ENTREP2: variants seen among roughly 807,000 people sequenced by gnomAD.
The protein encoded by ENTREP2 is endosomal transmembrane epsin interactor 2, also known as protein ENTREP2.
At chr15:29,372,826 G>A in the ENTREP2 span, among the ~76,000 whole-genome samples, 1 of 152,120 alleles carries the variant, frequency 6.6e-6, no homozygotes, top group Non-Finnish European at 1.5e-5. Flanking sequence ...CCCATATCTA[G>A]CAGTGAGGTG....
At chr15:29,531,023 A>T in the ENTREP2 span, among the ~76,000 whole-genome samples, 5 of 152,174 alleles carry the variant, frequency 3.3e-5, no homozygotes, top group Non-Finnish European at 7.4e-5. Context: ...GAGAAGAGGG[A>T]GGCACCTGCC....
chr15:29,646,845 T>C, the ENTREP2 span, among the ~76,000 whole-genome samples: 4 of 152,296 alleles, frequency 2.6e-5, no homozygotes, highest in African/African-American at 9.6e-5. Context: ...AGGGCCACTC[T>C]GTCTATCCTG....
At chr15:29,634,670 T>C in the ENTREP2 span, among the ~76,000 whole-genome samples, 1 of 152,070 alleles carries the variant, frequency 6.6e-6, no homozygotes, top group Non-Finnish European at 1.5e-5. Flanking sequence ...CTACCCCCCT[T>C]CCCAGCCCCG....
the ENTREP2 span, among the ~76,000 whole-genome samples, chr15:29,134,883 G>A: frequency 6.6e-6 from 1 of 152,258 alleles, no homozygotes; most frequent in South Asian, 2.1e-4. Flanking sequence ...TCTGAACCCT[G>A]TGCTAGGGTG....
the ENTREP2 span, among the ~76,000 whole-genome samples, chr15:29,617,130 G>A: frequency 0.02 from 3,053 of 152,232 alleles, 86 homozygotes; most frequent in African/African-American, 0.069. Flanking sequence ...TGATTATGGA[G>A]GCTGGGAAGT....
chr15:29,282,771 C>T, the ENTREP2 span, among the ~76,000 whole-genome samples: 1 of 152,202 alleles, frequency 6.6e-6, no homozygotes, highest in African/African-American at 2.4e-5. Flanking sequence ...TTCAGGCATA[C>T]CGGTCTGTTC....
At chr15:29,209,639 G>T in the ENTREP2 span, among the ~76,000 whole-genome samples, 38 of 152,190 alleles carry the variant, frequency 2.5e-4, no homozygotes, top group African/African-American at 6.3e-4. Flanking sequence ...ACCTTCCAGG[G>T]ATGGTGGAAG....
At chr15:29,392,050 G>C in the ENTREP2 span, among the ~76,000 whole-genome samples, 3 of 152,074 alleles carry the variant, frequency 2.0e-5, no homozygotes, top group Admixed American at 6.6e-5. Context: ...GGATGGTCTC[G>C]ATCTCCTGAC....
chr15:29,356,773 G>C, the ENTREP2 span, among the ~76,000 whole-genome samples: 1 of 151,992 alleles, frequency 6.6e-6, no homozygotes, highest in South Asian at 2.1e-4. Context: ...CATGGTCAAG[G>C]CCATTTAGGA....
chr15:29,348,286 A>C, the ENTREP2 span, among the ~76,000 whole-genome samples: 5 of 152,046 alleles, frequency 3.3e-5, no homozygotes, highest in African/African-American at 1.2e-4. Flanking sequence ...TACATCATAT[A>C]GGGTATTAGA....
the ENTREP2 span, among the ~76,000 whole-genome samples, chr15:29,174,605 C>A: frequency 1.3e-5 from 2 of 151,946 alleles, no homozygotes; most frequent in African/African-American, 2.4e-5. Context: ...AGGAGAATGG[C>A]CTGAACCTGG....
chr15:29,489,863 A>C, the ENTREP2 span, among the ~76,000 whole-genome samples: 1 of 152,202 alleles, frequency 6.6e-6, no homozygotes, highest in Non-Finnish European at 1.5e-5. Flanking sequence ...CTGTGCTGAC[A>C]CAGGTCTCGA....
chr15:29,455,343 C>T, the ENTREP2 span, among the ~76,000 whole-genome samples: 1 of 152,178 alleles, frequency 6.6e-6, no homozygotes, highest in Non-Finnish European at 1.5e-5. Flanking sequence ...CCTGAATTTC[C>T]AACCCAAATC....
At chr15:29,234,929 G>C in the ENTREP2 span, 5 of 1,542,332 alleles carry the variant, frequency 3.2e-6, 1 homozygote, top group South Asian at 4.5e-5. Context: ...GGTGTCATCT[G>C]AGCCAGATAA....
the ENTREP2 span, among the ~76,000 whole-genome samples, chr15:29,134,038 A>T: frequency 5.3e-3 from 808 of 152,000 alleles, 7 homozygotes; most frequent in African/African-American, 0.019. Context: ...GACCTCCCAG[A>T]CCTTCCATGG....
At chr15:29,234,566 C>T in the ENTREP2 span, 16 of 1,440,082 alleles carry the variant, frequency 1.1e-5, no homozygotes, top group East Asian at 4.5e-5. Flanking sequence ...GGCAGCACGT[C>T]GACAGCTAAT....
chr15:29,415,650 G>C, the ENTREP2 span, among the ~76,000 whole-genome samples: 168 of 152,236 alleles, frequency 1.1e-3, no homozygotes, highest in Non-Finnish European at 1.9e-3. Flanking sequence ...TTCTGGCCAG[G>C]GCAGTCAGGC....
At chr15:29,431,387 T>C in the ENTREP2 span, among the ~76,000 whole-genome samples, 9 of 152,306 alleles carry the variant, frequency 5.9e-5, no homozygotes, top group Admixed American at 3.9e-4. Context: ...CTGTGTCATT[T>C]TGAATCTTGT....
At chr15:29,463,637 C>A in the ENTREP2 span, among the ~76,000 whole-genome samples, 1 of 151,814 alleles carries the variant, frequency 6.6e-6, no homozygotes, top group Admixed American at 6.6e-5. Context: ...AGTCTGAGAA[C>A]AAGATAAGGT....
Sources: allele counts gnomAD v4.1 joint callset (sites outside exome capture counted in the v4.1 genomes callset), GRCh38; gene constraint gnomAD v4.1.1; transcripts MANE v1.5; gene names NCBI Gene and HGNC (gene_info 2026-07-23, HGNC 2026-07-21).